PRKG1: variants seen among roughly 807,000 people sequenced by gnomAD.
PRKG1 encodes the protein protein kinase cGMP-dependent 1, also known as cGMP-dependent protein kinase 1.
In PRKG1, 35 loss-of-function variants were observed where a neutral mutation model predicts 88.1. The ratio of observed to expected loss-of-function variants is 0.40; its 90% CI spans 0.30 to 0.53. The LOEUF is 0.53. Among genes scored for constraint, PRKG1 ranks in the 20% least tolerant of loss-of-function variants. The pLI, the probability that PRKG1 is intolerant of heterozygous loss-of-function variation, is 0.59. For synonymous variants in PRKG1, 303 were observed against 292.5 expected, an observed-to-expected ratio of 1.04 and a Z score of -0.37; for missense variants, 540 against 839.8, an observed-to-expected ratio of 0.64 and a Z score of 4.41.
chr10:51,472,208 G>A (rs1356347257), intron 3 of PRKG1, among the ~76,000 whole-genome samples: 1 of 151,860 alleles, frequency 6.6e-6, no homozygotes, highest in Non-Finnish European at 1.5e-5. Flanking sequence ...TAAGAGCAAA[G>A]TTTAAAGGTC....
At chr10:51,852,835 G>T (rs1840592832) in intron 4 of PRKG1, among the ~76,000 whole-genome samples, 1 of 152,208 alleles carries the variant, frequency 6.6e-6, no homozygotes, top group African/African-American at 2.4e-5. Flanking sequence ...TATGTCCCTA[G>T]ATATTTTAAT....
intron 1 of PRKG1, among the ~76,000 whole-genome samples, chr10:51,115,000 A>G (rs1488119623): frequency 1.3e-5 from 2 of 152,122 alleles, no homozygotes; most frequent in African/African-American, 2.4e-5. Flanking sequence ...TGTGCAAAGT[A>G]AAGAGAAGCA....
chr10:51,497,153 T>A (rs1280732869), intron 3 of PRKG1, among the ~76,000 whole-genome samples: 1 of 152,188 alleles, frequency 6.6e-6, no homozygotes, highest in Non-Finnish European at 1.5e-5. Context: ...TTTCTGAACT[T>A]TAGTTTCATT....
chr10:51,900,097 C>A (rs1488989792), intron 4 of PRKG1, among the ~76,000 whole-genome samples: 1 of 152,104 alleles, frequency 6.6e-6, no homozygotes, highest in Admixed American at 6.6e-5. Context: ...ATAGAAACTT[C>A]TTTTCTTTGT....
rs192741045 is a variant in PRKG1, at chr10:52,290,118, A to G, written c.1896-106A>G. 620 of 798,816 alleles carry G rather than the reference A, an allele frequency of 7.8e-4. 1 individual carries two copies. In the African/African-American group the frequency reaches 0.01, roughly 13 times the overall value. 49.5% of individuals were successfully genotyped at this position (798,816 alleles called of 1,614,324 possible). A position where few individuals can be genotyped will look rare whatever the true frequency, so the allele number is the denominator to read the frequency against. ...ATAGAAAACATTTTTGTCACATGAA[A>G]ATGTTTGCCTAACTGCTTCCCATTA... On this transcript the variant is annotated intron_variant, in intron 16 of 17. Coordinates refer to ENST00000373980, the MANE Select transcript of PRKG1 (RefSeq NM_006258.4).
intron 3 of PRKG1, among the ~76,000 whole-genome samples, chr10:51,714,476 AG>A (rs761858273): frequency 3.9e-5 from 6 of 152,240 alleles, no homozygotes; most frequent in Admixed American, 3.3e-4. Context: ...AATGAAAGAA[AG>A]ATGGGTAGTT....
At chr10:52,267,639 G>A (rs1387868029) in intron 10 of PRKG1, among the ~76,000 whole-genome samples, 1 of 151,872 alleles carries the variant, frequency 6.6e-6, no homozygotes, top group African/African-American at 2.4e-5. Context: ...ATATAGATGT[G>A]TGTGTATATA....
intron 3 of PRKG1, among the ~76,000 whole-genome samples, chr10:51,578,980 G>GTTTTTTTTTTGTTT (rs1837958363): frequency 1.3e-5 from 1 of 77,828 alleles, no homozygotes; most frequent in African/African-American, 5.3e-5. Flanking sequence ...AGTTCTGTTG[G>GTTTTTTTTTTGTTT]TTTTTTTTTT....
chr10:51,561,877 T>TC (rs1564550713), intron 3 of PRKG1, among the ~76,000 whole-genome samples: 1 of 151,996 alleles, frequency 6.6e-6, no homozygotes, highest in Non-Finnish European at 1.5e-5. Flanking sequence ...AGGTTTTTTT[T>TC]CAAATAGTGC....
intron 8 of PRKG1, among the ~76,000 whole-genome samples, chr10:52,148,256 A>T (rs1243646505): frequency 6.6e-6 from 1 of 152,132 alleles, no homozygotes; most frequent in South Asian, 2.1e-4. Flanking sequence ...TGCTACTGTT[A>T]TCTTAGTGGG....
chr10:51,350,909 TC>T, intron 2 of PRKG1, among the ~76,000 whole-genome samples: 1 of 152,200 alleles, frequency 6.6e-6, no homozygotes, highest in East Asian at 1.9e-4. Context: ...ATGCTATCCC[TC>T]CCCTAGCCCC....
intron 7 of PRKG1, among the ~76,000 whole-genome samples, chr10:52,123,827 G>T (rs1310669248): frequency 1.3e-5 from 2 of 151,982 alleles, no homozygotes; most frequent in South Asian, 2.1e-4. Flanking sequence ...TAAAGGAAAA[G>T]AAAGTGAATC....
intron 2 of PRKG1, among the ~76,000 whole-genome samples, chr10:51,210,737 C>A (rs575336983): frequency 1.3e-5 from 2 of 152,196 alleles, no homozygotes; most frequent in African/African-American, 4.8e-5. Flanking sequence ...AATTCCTCGA[C>A]ACATACAGTC....
chr10:51,569,089 C>T (rs1190818336), intron 3 of PRKG1, among the ~76,000 whole-genome samples: 1 of 152,022 alleles, frequency 6.6e-6, no homozygotes, highest in Non-Finnish European at 1.5e-5. Flanking sequence ...TTCCAATATA[C>T]TTAGCAGAGT....
intron 3 of PRKG1, among the ~76,000 whole-genome samples, chr10:51,769,041 G>A (rs1239991636): frequency 6.6e-6 from 1 of 152,164 alleles, no homozygotes; most frequent in Non-Finnish European, 1.5e-5. Context: ...TCCTTGAAGA[G>A]CTTTCACAAA....
intron 4 of PRKG1, among the ~76,000 whole-genome samples, chr10:51,848,433 A>G (rs1840459502): frequency 6.6e-6 from 1 of 152,148 alleles, no homozygotes; most frequent in Non-Finnish European, 1.5e-5. Context: ...GATTAAAGAG[A>G]AGTAAATAAA....
rs186852939 is a variant in PRKG1 at position 52,035,524 on chromosome 10, C to T, written c.763-18960C>T. On this transcript the variant is annotated intron_variant, in intron 5 of 17. Coordinates refer to ENST00000373980, the MANE Select transcript of PRKG1 (RefSeq NM_006258.4). ...GTGGAACCGCCAACAATAAATCAAG[C>T]GTGATCAGGGTGAGGAAGAGGAAAG... 1.7e-3 allele frequency among the ~76,000 whole-genome samples: 259 copies of T among 152,064 alleles called. 1 individual carries two copies. The highest frequency in any genetic ancestry group is 5.7e-3 in the African/African-American group (238 of 41,456).
chr10:52,251,520 C>T (rs749670108), intron 9 of PRKG1, 50 bp from the exon 10 acceptor site: 6 of 1,386,026 alleles, frequency 4.3e-6, no homozygotes, highest in African/African-American at 2.9e-5. Context: ...ACGTGGTACT[C>T]GTGTTTGCAC....
intron 9 of PRKG1, among the ~76,000 whole-genome samples, chr10:52,240,883 G>A (rs1194499): frequency 0.25 from 37,746 of 151,868 alleles, 4,940 homozygotes; most frequent in Admixed American, 0.28. Context: ...GTCTTGTCAC[G>A]TACATATCAA....
Sources: allele counts gnomAD v4.1 joint callset (sites outside exome capture counted in the v4.1 genomes callset), GRCh38; gene constraint gnomAD v4.1.1; transcripts MANE v1.5; gene names NCBI Gene and HGNC (gene_info 2026-07-23, HGNC 2026-07-21).